RIN2: variants seen among roughly 807,000 people sequenced by gnomAD.
RIN2 encodes Ras and Rab interactor 2.
RIN2 carries 36 observed loss-of-function variants against 78.0 expected under a neutral mutation model. That is an observed-to-expected ratio of 0.46 (90% CI 0.35 to 0.61). The LOEUF (loss-of-function observed/expected upper bound fraction) is 0.61. Ranked by LOEUF, RIN2 falls within the 20% of genes least tolerant of loss-of-function variation. The pLI is 0.00. For missense variants in RIN2, 1,087 were observed against 1,159.7 expected (o/e 0.94, Z 0.91); for synonymous variants, 466 against 466.8 (o/e 1.00, Z 0.02).
chr20:19,984,479 T>G (rs2042565063), intron 9 of RIN2, among the ~76,000 whole-genome samples: 1 of 152,102 alleles, frequency 6.6e-6, no homozygotes, highest in Non-Finnish European at 1.5e-5. Flanking sequence ...TAACAGAATC[T>G]CATGGGGCCA....
At chr20:19,784,524 T>C (rs2122557568) in intron 1 of RIN2, among the ~76,000 whole-genome samples, 1 of 152,284 alleles carries the variant, frequency 6.6e-6, no homozygotes, top group Middle Eastern at 3.4e-3. Context: ...ATAATGGTGG[T>C]TGCCTGCATC....
intron 3 of RIN2, among the ~76,000 whole-genome samples, chr20:19,928,151 C>T (rs567333683): frequency 1.3e-5 from 2 of 152,364 alleles, no homozygotes; most frequent in East Asian, 3.9e-4. Flanking sequence ...CATCTGCCCA[C>T]CTCAGCCTCC....
At chr20:19,904,395 G>C (rs1199529611) in intron 3 of RIN2, among the ~76,000 whole-genome samples, 1 of 151,986 alleles carries the variant, frequency 6.6e-6, no homozygotes, top group African/African-American at 2.4e-5. Flanking sequence ...CCTGGGCACC[G>C]GGTATGCGGT....
At chr20:19,997,233 T>TC (rs1413336125) in intron 12 of RIN2, among the ~76,000 whole-genome samples, 1 of 152,178 alleles carries the variant, frequency 6.6e-6, no homozygotes, top group Non-Finnish European at 1.5e-5. Context: ...CAGCGATGTC[T>TC]CCTTCCCTTT....
intron 9 of RIN2, among the ~76,000 whole-genome samples, chr20:19,980,393 C>T (rs1255616032): frequency 6.6e-6 from 1 of 152,048 alleles, no homozygotes; most frequent in African/African-American, 2.4e-5. Flanking sequence ...AGGTTGACAC[C>T]CCTGGAGTTG....
At chr20:19,991,938 G>A (rs530240447) in intron 10 of RIN2, among the ~76,000 whole-genome samples, 1 of 152,268 alleles carries the variant, frequency 6.6e-6, no homozygotes, top group African/African-American at 2.4e-5. Context: ...AATCTGTAAT[G>A]TGTTCATTGG....
rs143812053 is a variant in RIN2, at chr20:19,946,904, G to A, written c.159-9711G>A. On this transcript the variant is annotated intron_variant, in intron 4 of 12. Transcript: ENST00000255006. The stretch of plus-strand genomic sequence containing the variant: ...AAATTAGCTGGACGTGGTGGCGCAC[G>A]CCTAAAGTCCCAGCTACTCAGGAGG... Among the ~76,000 whole-genome samples the A allele has an allele frequency of 4.5e-4, 68 of 151,190 alleles. 1 individual carries two copies. In the East Asian group the frequency reaches 6.7e-3, roughly 15 times the overall value.
intron 2 of RIN2, among the ~76,000 whole-genome samples, chr20:19,877,661 C>T (rs1250923203): frequency 6.6e-6 from 1 of 152,022 alleles, no homozygotes; most frequent in South Asian, 2.1e-4. Context: ...GTAACTAGGC[C>T]CACACAGGAC....
intron 2 of RIN2, among the ~76,000 whole-genome samples, chr20:19,806,233 C>T (rs551498301): frequency 6.6e-6 from 1 of 152,222 alleles, no homozygotes; most frequent in South Asian, 2.1e-4. Flanking sequence ...TGGGTATATA[C>T]CCAGTAATGG....
intron 2 of RIN2, among the ~76,000 whole-genome samples, chr20:19,844,587 GCTGCTGCTT>G (rs1320570262): frequency 7.2e-6 from 1 of 139,664 alleles, no homozygotes; most frequent in Non-Finnish European, 1.6e-5. Context: ...TGCTGCTGCT[GCTGCTGCTT>G]CTTCCTCTTC....
At chr20:19,989,873 T>C in intron 9 of RIN2, 133 bp from the exon 10 acceptor site, 1 of 830,360 alleles carries the variant, frequency 1.2e-6, no homozygotes, top group Non-Finnish European at 1.8e-6. Context: ...TGTCTGTTGG[T>C]TGGATGTTAA....
intron 1 of RIN2, among the ~76,000 whole-genome samples, chr20:19,795,828 A>G (rs1171614028): frequency 6.6e-6 from 1 of 152,196 alleles, no homozygotes. Context: ...CAAACAACAC[A>G]CACTGAAGTA....
chr20:19,822,663 CA>C (rs2035961726), intron 2 of RIN2, among the ~76,000 whole-genome samples: 1 of 150,654 alleles, frequency 6.6e-6, no homozygotes, highest in African/African-American at 2.5e-5. Flanking sequence ...CACACACACA[CA>C]CACCCACACA....
intron 3 of RIN2, among the ~76,000 whole-genome samples, chr20:19,895,566 C>T (rs898900134): frequency 1.3e-5 from 2 of 152,100 alleles, no homozygotes; most frequent in African/African-American, 2.4e-5. Flanking sequence ...CCTACCCTCC[C>T]GGGCCTCAAA....
chr20:19,996,246 G>A (rs572866521), intron 11 of RIN2, among the ~76,000 whole-genome samples: 4 of 152,278 alleles, frequency 2.6e-5, no homozygotes, highest in African/African-American at 7.2e-5. Flanking sequence ...CCTGGGAGGC[G>A]GAGGTTGCAG....
At chr20:19,947,022 TAA>T (rs35136029) in intron 4 of RIN2, among the ~76,000 whole-genome samples, 29 of 116,064 alleles carry the variant, frequency 2.5e-4, no homozygotes, top group Admixed American at 3.6e-4. Flanking sequence ...CAGACTGTCT[TAA>T]AAAAAAAAAA....
chr20:19,862,358 G>A (rs940144823), intron 2 of RIN2, among the ~76,000 whole-genome samples: 3 of 152,128 alleles, frequency 2.0e-5, no homozygotes, highest in African/African-American at 4.8e-5. Flanking sequence ...TTGGGAGGCC[G>A]AGGCGGGTGG....
intron 2 of RIN2, among the ~76,000 whole-genome samples, chr20:19,824,496 A>G (rs1249687642): frequency 6.6e-6 from 1 of 152,076 alleles, no homozygotes; most frequent in East Asian, 1.9e-4. Flanking sequence ...AGTGACACTC[A>G]TGTCCTTCAA....
At chr20:19,919,320 A>G (rs895882747) in intron 3 of RIN2, among the ~76,000 whole-genome samples, 2 of 152,172 alleles carry the variant, frequency 1.3e-5, no homozygotes, top group Admixed American at 1.3e-4. Context: ...AGTCACTAAT[A>G]TTTGACCTAT....
Sources: allele counts gnomAD v4.1 joint callset (sites outside exome capture counted in the v4.1 genomes callset), GRCh38; gene constraint gnomAD v4.1.1; transcripts MANE v1.5; gene names NCBI Gene and HGNC (gene_info 2026-07-23, HGNC 2026-07-21).